The following DMD variants were observed in gnomAD, a reference collection of about 807,000 sequenced individuals.
The protein encoded by DMD is mutant dystrophin.
A neutral mutation model predicts 330.1 loss-of-function variants in DMD; 63 were observed. That is an observed-to-expected ratio of 0.19 (90% CI 0.16 to 0.24). The LOEUF (loss-of-function observed/expected upper bound fraction) is 0.24. Among genes scored for constraint, DMD ranks in the 10% least tolerant of loss-of-function variants. DMD has a pLI of 1.00. For synonymous variants in DMD, 1,223 were observed against 959.8 expected (o/e 1.27, Z -5.07); for missense variants, 3,344 against 2,684.1 (o/e 1.25, Z -5.43).
At position 31,617,199 on chromosome X, in the gene DMD, T is replaced by C. The variant is rs1236176872; in HGVS notation, c.8217+10474A>G. Among the ~76,000 whole-genome samples, 49 of 111,561 alleles carry C rather than the reference T, an allele frequency of 4.4e-4. No homozygotes were observed. In the Admixed American group the frequency reaches 4.6e-3, roughly 11 times the overall value. On this transcript the variant is annotated intron_variant, in intron 55 of 78. Coordinates refer to ENST00000357033, the MANE Select transcript of DMD (RefSeq NM_004006.3). ...CAGTAACTATTGACTAAATATCAAA[T>C]GAAGATAATGAGATTAATGAAATCA...
At chrX:33,220,260 G>A (rs1201699879) in intron 1 of DMD, among the ~76,000 whole-genome samples, 5 of 111,190 alleles carry the variant, frequency 4.5e-5, no homozygotes, top group Non-Finnish European at 9.4e-5. Flanking sequence ...GTGTGGTAGC[G>A]AGGAGTGGAG....
intron 13 of DMD, among the ~76,000 whole-genome samples, chrX:32,589,656 G>T (rs1000873652): frequency 9.0e-6 from 1 of 110,980 alleles, no homozygotes; most frequent in Non-Finnish European, 1.9e-5. Flanking sequence ...TAATTCAACT[G>T]ATTTATACTA....
chrX:31,302,962 C>T (rs1015365061), intron 62 of DMD, among the ~76,000 whole-genome samples: 4 of 111,264 alleles, frequency 3.6e-5, no homozygotes, highest in African/African-American at 1.3e-4. Flanking sequence ...CAAATGTGTT[C>T]CTTCTAATGC....
At chrX:31,886,421 A>T (rs1001131816) in intron 47 of DMD, among the ~76,000 whole-genome samples, 2 of 111,855 alleles carry the variant, frequency 1.8e-5, no homozygotes, top group Non-Finnish European at 3.8e-5. Context: ...CATCTTTTTG[A>T]CACTCTTAAG....
intron 1 of DMD, among the ~76,000 whole-genome samples, chrX:33,112,894 A>C (rs1195728995): frequency 2.8e-5 from 3 of 108,812 alleles, no homozygotes; most frequent in Admixed American, 2.0e-4. Flanking sequence ...CAGAGGTTGC[A>C]GTGAGCCAAG....
chrX:31,601,270 G>A (rs1049823356), intron 55 of DMD, among the ~76,000 whole-genome samples: 1 of 112,280 alleles, frequency 8.9e-6, no homozygotes, highest in Admixed American at 9.4e-5. Flanking sequence ...TGATGTGGCT[G>A]TACTGTAACA....
At chrX:31,826,663 G>T (rs2092901451) in intron 49 of DMD, among the ~76,000 whole-genome samples, 1 of 111,943 alleles carries the variant, frequency 8.9e-6, no homozygotes, top group African/African-American at 3.2e-5. Flanking sequence ...ATCTGTAAAA[G>T]GTAACAATTT....
Position 32,795,612 on chromosome X carries a change from T to C in DMD, c.649+13881A>G, listed in dbSNP as rs777282114. Among the ~76,000 whole-genome samples the C allele has an allele frequency of 6.3e-4, 70 of 111,655 alleles. 1 individual carries two copies. Among genetic ancestry groups the C allele is most frequent in the Middle Eastern group, 4.6e-3 (1 of 218 alleles). On this transcript the variant is annotated intron_variant, in intron 7 of 78. Coordinates refer to ENST00000357033, the MANE Select transcript of DMD (RefSeq NM_004006.3). ...AGGCAACAAAAACATAAATAGATAA[T>C]TGGGACTGTAGAAAATGAAAGAGCT...
At chrX:32,529,147 G>A (rs1027598664) in intron 17 of DMD, among the ~76,000 whole-genome samples, 1 of 105,766 alleles carries the variant, frequency 9.5e-6, no homozygotes, top group Non-Finnish European at 1.9e-5. Flanking sequence ...GGATGGTCTC[G>A]ATCTCCTGAC....
chrX:32,751,362 A>C (rs1276379945), intron 7 of DMD, among the ~76,000 whole-genome samples: 8 of 111,428 alleles, frequency 7.2e-5, no homozygotes, highest in African/African-American at 2.6e-4. Context: ...GAGCCCGAAC[A>C]AAAGTGACTC....
At chrX:32,014,867 T>C (rs188712469) in intron 44 of DMD, among the ~76,000 whole-genome samples, 1 of 112,269 alleles carries the variant, frequency 8.9e-6, no homozygotes, top group African/African-American at 3.2e-5. Flanking sequence ...ATAAGCCTCA[T>C]ATTAGTACTA....
intron 62 of DMD, among the ~76,000 whole-genome samples, chrX:31,269,003 C>A (rs1298710769): frequency 8.9e-6 from 1 of 111,982 alleles, no homozygotes; most frequent in Non-Finnish European, 1.9e-5. Context: ...AATAAGAAAT[C>A]ACTATTCAGA....
At position 32,875,917 on chromosome X, in the gene DMD, G is replaced by A. The variant is rs750681499; in HGVS notation, c.94-26097C>T. 2.7e-5 allele frequency among the ~76,000 whole-genome samples: 3 copies of A among 111,220 alleles called. No individual in the cohort carries two copies. The South Asian group carries it at 1.1e-3, about 42-fold the overall frequency. ...TTTTAACTGTGTATAATATCCTTTT[G>A]CCGTATCATCTGCCCCCATGGCTTA... is the stretch of plus-strand genomic sequence containing the variant. On this transcript the variant is annotated intron_variant, in intron 2 of 78. Transcript: ENST00000357033.
At chrX:32,715,212 C>T (rs890328461) in intron 7 of DMD, among the ~76,000 whole-genome samples, 1 of 110,947 alleles carries the variant, frequency 9.0e-6, no homozygotes, top group Non-Finnish European at 1.9e-5. Flanking sequence ...GGCGTGGTGG[C>T]TCATGCCTGT....
chrX:32,408,908 C>CCA (rs1569561566), intron 30 of DMD, among the ~76,000 whole-genome samples: 37 of 107,649 alleles, frequency 3.4e-4, no homozygotes, highest in African/African-American at 1.3e-3. Context: ...ATCTATCTAT[C>CCA]TATCCATCCA....
At chrX:31,215,652 C>T (rs7889559) in intron 64 of DMD, among the ~76,000 whole-genome samples, 40,615 of 110,827 alleles carry the variant, frequency 0.37, 5,430 homozygotes, top group Non-Finnish European at 0.4. Flanking sequence ...GTGTGGCCAT[C>T]AATTGTGATG....
At chrX:33,232,418 A>G (rs753088243) in intron 1 of DMD, among the ~76,000 whole-genome samples, 11 of 112,270 alleles carry the variant, frequency 9.8e-5, no homozygotes, top group Non-Finnish European at 1.9e-4. Context: ...GTAATGTTAC[A>G]AAGGTTCAAG....
At chrX:31,956,969 T>G (rs1363187569) in intron 45 of DMD, among the ~76,000 whole-genome samples, 1 of 112,056 alleles carries the variant, frequency 8.9e-6, no homozygotes, top group Non-Finnish European at 1.9e-5. Context: ...CTAGAATTCT[T>G]TCCAGTAGCA....
At chrX:33,125,637 TTTAG>T (rs1201305981) in intron 1 of DMD, among the ~76,000 whole-genome samples, 1 of 112,056 alleles carries the variant, frequency 8.9e-6, no homozygotes, top group Non-Finnish European at 1.9e-5. Context: ...AATGTTTGAC[TTTAG>T]TTGTTAACAT....
Sources: gnomAD v4.1 joint callset for allele counts (sites outside exome capture counted in the v4.1 genomes callset) on GRCh38, gnomAD v4.1.1 for gene constraint, MANE v1.5 for transcripts, NCBI Gene and HGNC (gene_info 2026-07-23, HGNC 2026-07-21) for gene names.